The following HCN2 variants were observed in gnomAD, a reference collection of about 807,000 sequenced individuals.
HCN2 encodes the protein hyperpolarization activated cyclic nucleotide gated potassium and sodium channel 2, also known as potassium/sodium hyperpolarization-activated cyclic nucleotide-gated channel 2.
HCN2 carries 20 observed loss-of-function variants against 52.3 expected under a neutral mutation model. The observed-to-expected ratio is 0.38, with a 90% CI of 0.27 to 0.56. The LOEUF (loss-of-function observed/expected upper bound fraction) is 0.56. HCN2 is among the 20% of genes least tolerant of loss of function. The probability of loss-of-function intolerance (pLI) is 0.71; values close to 1 mark genes in which losing one functional copy is unlikely to be tolerated. For synonymous variants in HCN2, 694 were observed against 537.0 expected, an observed-to-expected ratio of 1.29 and a Z score of -4.04; for missense variants, 981 against 1,207.7, an observed-to-expected ratio of 0.81 and a Z score of 2.78.
In HCN2 at chr19:592,446, C is replaced by T. The variant is rs557680127; in HGVS notation, c.632+1869C>T. ...GGAGTGAAGCCCTCTCATCCTTCCA[C>T]CCTCCTTGGGCGTGGTCGCCTGGAG... On this transcript the variant is annotated intron_variant, in intron 1 of 7. Transcript: ENST00000251287. The surrounding 1 kb of genome is among the most constrained non-coding windows in gnomAD (Gnocchi z 4.8). Among the ~76,000 whole-genome samples, 1 of 152,146 alleles carries T rather than the reference C, an allele frequency of 6.6e-6. No individual in the cohort carries two copies. The highest frequency in any genetic ancestry group is 2.1e-4 in the South Asian group (1 of 4,830).
intron 5 of HCN2, among the ~76,000 whole-genome samples, chr19:611,442 C>T (rs772404946): frequency 1.8e-4 from 27 of 152,078 alleles, no homozygotes; most frequent in Non-Finnish European, 3.7e-4. Context: ...GGGCAGAGGC[C>T]CCGAGGAGGG....
In HCN2 at chr19:590,551, G is replaced by C; in HGVS notation, c.606G>C (p.Trp202Cys). Reference protein sequence around the residue: ...EQERVKSAGAWIIHPYSDFRF... With the variant: ...EQERVKSAGACIIHPYSDFRF... ...AGCGCGTCAAGTCGGCGGGGGCCTG[G>C]ATCATCCACCCGTACAGCGACTTCA... The change falls in exon 1 of 8, where the codon TGG (tryptophan) becomes TGC (cysteine). Residue 202 changes from tryptophan (W) to cysteine (C), a missense_variant. By Grantham distance (215) the Trp-to-Cys change is radical. Around this residue, in one of 6 missense-constraint regions of HCN2, gnomAD observed 23 missense variants for 20.3 expected, o/e 1.13. Transcript: ENST00000251287. The surrounding 1 kb of genome is among the most constrained non-coding windows in gnomAD (Gnocchi z 7.2). 6.7e-7 allele frequency: 1 copy of C among 1,501,152 alleles called. No individual in the cohort carries two copies. 93.0% of individuals were successfully genotyped at this position (1,501,152 alleles called of 1,614,324 possible).
At chr19:608,620 G>A (rs967507386) in intron 4 of HCN2, among the ~76,000 whole-genome samples, 1 of 149,802 alleles carries the variant, frequency 6.7e-6, no homozygotes, top group African/African-American at 2.4e-5. Context: ...GGCTGGGCAG[G>A]AAGGGGTGAG....
intron 7 of HCN2, among the ~76,000 whole-genome samples, 167 bp downstream of exon 7, chr19:614,183 G>C (rs967746416): frequency 6.6e-5 from 10 of 152,182 alleles, no homozygotes; most frequent in African/African-American, 2.4e-4. Flanking sequence ...TGTGGCCATG[G>C]CAGCAGGGGC....
intron 4 of HCN2, among the ~76,000 whole-genome samples, chr19:609,321 C>T (rs1983527736): frequency 6.6e-6 from 1 of 152,294 alleles, no homozygotes; most frequent in Admixed American, 6.5e-5. Flanking sequence ...CTTCCCTGCT[C>T]AGGAGGGGCT....
In HCN2 at chr19:590,007, G is replaced by GGCC. The variant is rs961585316; in HGVS notation, c.81_83dup (p.Pro28dup). 145 of 640,642 alleles carry GGCC rather than the reference G, an allele frequency of 2.3e-4. 1 individual carries two copies. The African/African-American group carries it at 2.6e-3, about 11-fold the overall frequency. 39.7% of individuals were successfully genotyped at this position (640,642 alleles called of 1,614,324 possible). ...AGCCCGGGCGCGACCCCCGCGCCGG[G>GGCC]GCCGCCGCCGCCGCCGCCGCCCGCG... On this transcript the variant is annotated inframe_insertion, in exon 1 of 8. Transcript: ENST00000251287. This position sits in a 1 kb window ranked among gnomAD's most constrained non-coding sequence, Gnocchi z 7.2.
chr19:615,769 A>C (rs1242561261), intron 7 of HCN2, 26 bp from the exon 8 acceptor site: 2 of 1,608,482 alleles, frequency 1.2e-6, no homozygotes, highest in Admixed American at 3.3e-5. Flanking sequence ...CTCCCTGTGC[A>C]CACGCTAACG....
In HCN2 at chr19:604,959, AG is replaced by A. The variant is rs1204824906; in HGVS notation, c.1057-97del. On this transcript the variant is annotated intron_variant, in intron 2 of 7. Coordinates refer to ENST00000251287, the MANE Select transcript of HCN2 (RefSeq NM_001194.4). The stretch of plus-strand genomic sequence containing the variant: ...CTGTGCGGGGCCTTGGATTTGGGGG[AG>A]GGGGCCAGGAGCTCCCGCAGTGGGG... 210 of 1,066,836 alleles carry A rather than the reference AG, an allele frequency of 2.0e-4. 3 individuals carry two copies. The highest frequency in any genetic ancestry group is 1.1e-3 in the Admixed American group (31 of 28,974). 66.1% of individuals were successfully genotyped at this position (1,066,836 alleles called of 1,614,324 possible).
At chr19:595,943 C>A (rs1312997614) in intron 1 of HCN2, among the ~76,000 whole-genome samples, 1 of 152,212 alleles carries the variant, frequency 6.6e-6, no homozygotes, top group African/African-American at 2.4e-5. Flanking sequence ...CGGGGAGGGC[C>A]TGGCTGCCCT....
In HCN2 at chr19:590,681, CCGGTGACCTCGGGGCTCCT is replaced by C. The variant is rs1600513028; in HGVS notation, c.632+118_632+136del. 1.2e-5 allele frequency: 11 copies of C among 918,512 alleles called. No homozygotes were observed. The highest frequency in any genetic ancestry group is 3.5e-5 in the African/African-American group (2 of 56,666). The allele number at this position is 918,512 out of a possible 1,614,324, so 56.9% of individuals were successfully genotyped here. A position where few individuals can be genotyped will look rare whatever the true frequency, so the allele number is the denominator to read the frequency against. ...GGGGAGGGCGGGGCGGCGCGCCGGGCCGGTGACCTCGGGGCTCCTCGGTGACCTCGGGCGTGTCCGGGAC... is the reference window on the plus strand; with the variant it reads ...GGGGAGGGCGGGGCGGCGCGCCGGGCCGGTGACCTCGGGCGTGTCCGGGAC... On this transcript the variant is annotated intron_variant, in intron 1 of 7. Coordinates refer to ENST00000251287, the MANE Select transcript of HCN2 (RefSeq NM_001194.4). This position sits in a 1 kb window ranked among gnomAD's most constrained non-coding sequence, Gnocchi z 7.2.
rs762880557 is a variant in HCN2, at chr19:590,562, C to G, written c.617C>G (p.Pro206Arg). 1 of 1,454,434 alleles carries G rather than the reference C, an allele frequency of 6.9e-7. No homozygotes were observed. Among genetic ancestry groups the G allele is most frequent in the Non-Finnish European group, 9.2e-7 (1 of 1,089,920 alleles). 90.1% of individuals were successfully genotyped at this position (1,454,434 alleles called of 1,614,324 possible). The change falls in exon 1 of 8, where the codon CCG (proline) becomes CGG (arginine). Residue 206 changes from proline to arginine, a missense_variant. By Grantham distance (103) the Pro-to-Arg change is moderately radical (BLOSUM62 -2). Transcript: ENST00000251287. The surrounding 1 kb of genome is among the most constrained non-coding windows in gnomAD (Gnocchi z 7.2). ...VKSAGAWIIH[P>R]YSDFRFYWDF... ...TCGGCGGGGGCCTGGATCATCCACCCGTACAGCGACTTCAGGTACCGCCTC... is the reference window on the plus strand; with the variant it reads ...TCGGCGGGGGCCTGGATCATCCACCGGTACAGCGACTTCAGGTACCGCCTC...
chr19:600,406 T>G (rs1983166046), intron 1 of HCN2, among the ~76,000 whole-genome samples: 1 of 152,044 alleles, frequency 6.6e-6, no homozygotes, highest in African/African-American at 2.4e-5. Context: ...CATGGCGTGA[T>G]CTCAGCTCAC....
At position 590,667 on chromosome 19, in the gene HCN2, G is replaced by A. The variant is rs1982842441; in HGVS notation, c.632+90G>A. ...TCCTTGGAGCGCCTGGGGAGGGCGGGGCGGCGCGCCGGGCCGGTGACCTCG... is the reference window on the plus strand; with the variant it reads ...TCCTTGGAGCGCCTGGGGAGGGCGGAGCGGCGCGCCGGGCCGGTGACCTCG... On this transcript the variant is annotated intron_variant, in intron 1 of 7. Coordinates refer to ENST00000251287, the MANE Select transcript of HCN2 (RefSeq NM_001194.4). This position sits in a 1 kb window ranked among gnomAD's most constrained non-coding sequence, Gnocchi z 7.2. 1.9e-6 allele frequency: 2 copies of A among 1,070,308 alleles called. No individual in the cohort carries two copies. Among genetic ancestry groups the A allele is most frequent in the African/African-American group, 1.7e-5 (1 of 59,944 alleles). The allele number at this position is 1,070,308 out of a possible 1,614,324, so 66.3% of individuals were successfully genotyped here. A position where few individuals can be genotyped will look rare whatever the true frequency, so the allele number is the denominator to read the frequency against.
chr19:613,160 T>G, intron 5 of HCN2, 88 bp from the exon 6 acceptor site: 1 of 1,469,688 alleles, frequency 6.8e-7, no homozygotes, highest in Non-Finnish European at 9.1e-7. Context: ...GAAACTGGGG[T>G]CCGAGAGGTG....
At chr19:610,955 C>T (rs559468946) in intron 5 of HCN2, among the ~76,000 whole-genome samples, 39 of 152,296 alleles carry the variant, frequency 2.6e-4, no homozygotes, top group African/African-American at 7.7e-4. Context: ...CTGCCTCTTC[C>T]GGCGTCTGGG....
At position 600,049 on chromosome 19, in the gene HCN2, G is replaced by C. The variant is rs1039721770; in HGVS notation, c.633-3495G>C. 2.6e-5 allele frequency among the ~76,000 whole-genome samples: 4 copies of C among 152,230 alleles called. No homozygotes were observed. In the East Asian group the frequency reaches 7.7e-4, roughly 29 times the overall value. ...ATGGCAAAATCCTATGAATCTTTGT[G>C]CTGGAAATTCAAGACCCTCCCTTGT... On this transcript the variant is annotated intron_variant, in intron 1 of 7. Coordinates refer to ENST00000251287, the MANE Select transcript of HCN2 (RefSeq NM_001194.4).
intron 6 of HCN2, 132 bp downstream of exon 6, chr19:613,620 T>TCC (rs1983751987): frequency 1.2e-4 from 6 of 49,554 alleles, no homozygotes; most frequent in East Asian, 5.4e-4. Context: ...GGGATGGGGA[T>TCC]GGGGATGGGG....
chr19:602,692 T>C (rs918949712), intron 1 of HCN2, among the ~76,000 whole-genome samples: 2 of 152,144 alleles, frequency 1.3e-5, no homozygotes, highest in Non-Finnish European at 2.9e-5. Context: ...GTCCTGTCTA[T>C]TTTTTTAACG....
At chr19:599,561 C>T (rs1032857333) in intron 1 of HCN2, among the ~76,000 whole-genome samples, 3 of 151,226 alleles carry the variant, frequency 2.0e-5, no homozygotes, top group African/African-American at 7.3e-5. Flanking sequence ...GGGCGGATCA[C>T]GAGGTCAGGA....
Sources: allele counts gnomAD v4.1 joint callset (sites outside exome capture counted in the v4.1 genomes callset), GRCh38; gene constraint gnomAD v4.1.1; regional missense constraint gnomAD v4.1.1; non-coding constraint Gnocchi (gnomAD v3.1); transcripts MANE v1.5; gene names NCBI Gene and HGNC (gene_info 2026-07-23, HGNC 2026-07-21).